The following SCNN1B variants were observed in gnomAD, a reference collection of about 807,000 sequenced individuals.
SCNN1B encodes sodium channel epithelial 1 subunit beta, also known as epithelial sodium channel subunit beta.
SCNN1B carries 46 observed loss-of-function variants against 65.3 expected under a neutral mutation model. The observed-to-expected ratio is 0.70, with a 90% CI of 0.56 to 0.90. SCNN1B has a LOEUF of 0.90. Among genes scored for constraint, SCNN1B ranks in the 40% least tolerant of loss-of-function variants. The probability of loss-of-function intolerance (pLI) is 0.00; values close to 1 mark genes in which losing one functional copy is unlikely to be tolerated. For synonymous variants in SCNN1B, 349 were observed against 330.6 expected, an observed-to-expected ratio of 1.06 and a Z score of -0.60; for missense variants, 751 against 830.5, an observed-to-expected ratio of 0.90 and a Z score of 1.18.
chr16:23,343,585 AAGAAAGAAAG>A (rs1312407127), intron 1 of SCNN1B, among the ~76,000 whole-genome samples: 5 of 29,500 alleles, frequency 1.7e-4, no homozygotes, highest in African/African-American at 5.6e-4. Context: ...GAAAAAGAGA[AAGAAAGAAAG>A]AAAGAAAGAA....
chr16:23,307,395 C>T (rs1392510054), intron 1 of SCNN1B, among the ~76,000 whole-genome samples: 1 of 149,354 alleles, frequency 6.7e-6, no homozygotes, highest in Non-Finnish European at 1.5e-5. Context: ...TCTCGGCTCA[C>T]TGCAACCTCC....
chr16:23,339,413 C>CT (rs35226677), intron 1 of SCNN1B, among the ~76,000 whole-genome samples: 11 of 149,488 alleles, frequency 7.4e-5, no homozygotes, highest in Non-Finnish European at 1.2e-4. Flanking sequence ...GTTCATTTAA[C>CT]TTTTTTTTTT....
chr16:23,300,102 A>G (rs977156118), upstream of SCNN1B, among the ~76,000 whole-genome samples: 8 of 152,162 alleles, frequency 5.3e-5, no homozygotes, highest in Non-Finnish European at 1.2e-4. Flanking sequence ...CAGAAAACCA[A>G]ACACTGCATG....
At chr16:23,328,657 C>G (rs1285234256) in intron 1 of SCNN1B, among the ~76,000 whole-genome samples, 3 of 152,178 alleles carry the variant, frequency 2.0e-5, no homozygotes, top group Non-Finnish European at 4.4e-5. Context: ...CATCTGAGTT[C>G]CTAAAATTCG....
At chr16:23,345,606 C>T (rs1271012831) in intron 1 of SCNN1B, among the ~76,000 whole-genome samples, 2 of 152,188 alleles carry the variant, frequency 1.3e-5, no homozygotes, top group Non-Finnish European at 2.9e-5. Flanking sequence ...GAGGTCTCTC[C>T]TTCAGTTATT....
At chr16:23,283,497 C>T (rs1262962281) in intron 1 of SCNN1B, among the ~76,000 whole-genome samples, 2 of 152,170 alleles carry the variant, frequency 1.3e-5, no homozygotes. Flanking sequence ...TGTTGAATGT[C>T]TTGTGTAATG....
intron 1 of SCNN1B, among the ~76,000 whole-genome samples, chr16:23,303,232 G>A (rs2141977601): frequency 6.6e-6 from 1 of 152,248 alleles, no homozygotes; most frequent in East Asian, 1.9e-4. Flanking sequence ...AGAGTTTAGG[G>A]AGGAAGCAGC....
At chr16:23,349,709 A>T (rs1349368247) in intron 2 of SCNN1B, among the ~76,000 whole-genome samples, 1 of 152,202 alleles carries the variant, frequency 6.6e-6, no homozygotes. Flanking sequence ...TTAACAAAAC[A>T]GAGTCCCTGT....
chr16:23,343,627 GAAA>G (rs1567304419), intron 1 of SCNN1B, among the ~76,000 whole-genome samples: 11 of 108,538 alleles, frequency 1.0e-4, no homozygotes, highest in South Asian at 3.4e-4. Context: ...AAGAAAGAAA[GAAA>G]GAAAGAAAGA....
intron 1 of SCNN1B, among the ~76,000 whole-genome samples, chr16:23,306,780 T>A (rs1173621157): frequency 6.6e-6 from 1 of 152,186 alleles, no homozygotes; most frequent in Non-Finnish European, 1.5e-5. Context: ...GAAGTATGTT[T>A]AAGAAGTGAT....
In SCNN1B at chr16:23,296,243, G is replaced by A. The variant is rs182679110; in HGVS notation, n.178+12439G>A. Among the ~76,000 whole-genome samples, 34 of 152,246 alleles carry A rather than the reference G, an allele frequency of 2.2e-4. No individual in the cohort carries two copies. The East Asian group carries it at 6.2e-3, about 28-fold the overall frequency. On this transcript the variant is annotated intron_variant and non_coding_transcript_variant, in intron 2 of 3. Coordinates refer to the SCNN1B transcript ENST00000569789. ...GACTCAGGGAGGTGGGGGGCGCCAC[G>A]GGGATCCAGAGAACTGAGGCCATCC... is the stretch of plus-strand genomic sequence containing the variant.
chr16:23,348,604 A>T lies in SCNN1B; in HGVS notation c.5A>T (p.His2Leu). ...TGCCTCTCTGCAGGTGCCACTATGCACGTGAAGAAGTACCTGCTGAAGGGC... is the reference window on the plus strand; with the variant it reads ...TGCCTCTCTGCAGGTGCCACTATGCTCGTGAAGAAGTACCTGCTGAAGGGC... MHVKKYLLKGLH... is the reference protein window; with the variant it reads MLVKKYLLKGLH... The change falls in exon 2 of 13, where the codon CAC becomes CTC. Residue 2 changes from histidine (H) to leucine (L), a missense_variant. Physicochemically the swap from His to Leu is moderately conservative, Grantham distance 99 (BLOSUM62 -3). Transcript: ENST00000343070. This position sits in a 1 kb window ranked among gnomAD's most constrained non-coding sequence, Gnocchi z 4.5. 1.2e-6 allele frequency: 2 copies of T among 1,612,776 alleles called. No homozygotes were observed. Among genetic ancestry groups the T allele is most frequent in the Non-Finnish European group, 1.7e-6 (2 of 1,179,876 alleles).
chr16:23,358,981 C>T (rs572048079), intron 4 of SCNN1B, among the ~76,000 whole-genome samples: 2 of 152,366 alleles, frequency 1.3e-5, no homozygotes, highest in African/African-American at 2.4e-5. Context: ...ATTTACTGGG[C>T]CTTTCTCGTC....
At chr16:23,374,573 CAAAAAAAAAAAAAA>C (rs1168924579) in intron 7 of SCNN1B, among the ~76,000 whole-genome samples, 6 of 48,332 alleles carry the variant, frequency 1.2e-4, no homozygotes, top group African/African-American at 2.0e-4. Flanking sequence ...GACTCCATCT[CAAAAAAAAAAAAAA>C]AAAAAAAAAA....
intron 1 of SCNN1B, among the ~76,000 whole-genome samples, chr16:23,337,853 A>G (rs1447360635): frequency 6.6e-6 from 1 of 151,978 alleles, no homozygotes; most frequent in Non-Finnish European, 1.5e-5. Flanking sequence ...GATCACTTGA[A>G]CCCAGGAGTT....
chr16:23,343,148 C>T (rs1460509208), intron 1 of SCNN1B, among the ~76,000 whole-genome samples: 1 of 152,102 alleles, frequency 6.6e-6, no homozygotes, highest in East Asian at 1.9e-4. Flanking sequence ...AGAAGAAAAC[C>T]TGTCTCGTAA....
intron 7 of SCNN1B, among the ~76,000 whole-genome samples, chr16:23,374,343 G>C (rs909330021): frequency 1.3e-5 from 2 of 150,454 alleles, no homozygotes; most frequent in Non-Finnish European, 2.9e-5. Flanking sequence ...GGAGGTCAAG[G>C]TGGGTGGATC....
intron 1 of SCNN1B, among the ~76,000 whole-genome samples, chr16:23,341,838 G>A (rs1567303639): frequency 6.6e-6 from 1 of 152,166 alleles, no homozygotes; most frequent in Non-Finnish European, 1.5e-5. Context: ...ATAAGTTTTG[G>A]AGAGGATGTG....
intron 4 of SCNN1B, among the ~76,000 whole-genome samples, chr16:23,364,544 T>C (rs1962610704): frequency 6.6e-6 from 1 of 152,128 alleles, no homozygotes; most frequent in Admixed American, 6.6e-5. Context: ...GTGCTCTGAC[T>C]CACAAATTTA....
Sources: allele counts gnomAD v4.1 joint callset (sites outside exome capture counted in the v4.1 genomes callset), GRCh38; gene constraint gnomAD v4.1.1; non-coding constraint Gnocchi (gnomAD v3.1); transcripts MANE v1.5; gene names NCBI Gene and HGNC (gene_info 2026-07-23, HGNC 2026-07-21).